DLGAP2: variants seen among roughly 807,000 people sequenced by gnomAD.
The protein encoded by DLGAP2 is disks large-associated protein 2.
Under a neutral mutation model 100.3 loss-of-function variants are expected in DLGAP2, and 26 were observed. The ratio of observed to expected loss-of-function variants is 0.26; its 90% CI spans 0.19 to 0.36. The LOEUF (loss-of-function observed/expected upper bound fraction) is 0.36, where lower values mean the gene tolerates loss of function less well. Among genes scored for constraint, DLGAP2 ranks in the 10% least tolerant of loss-of-function variants. The pLI, the probability that DLGAP2 is intolerant of heterozygous loss-of-function variation, is 1.00. For synonymous variants in DLGAP2, 886 were observed against 630.1 expected (o/e 1.41, Z -6.08); for missense variants, 1,858 against 1,453.2 (o/e 1.28, Z -4.53).
rs192011625 is a variant in DLGAP2 at position 1,196,445 on chromosome 8, C to G, written c.74-62406C>G. ...GTTAATGCTGAGTGAGTGAACGAGACAGTGATCCTGTGCCCCCGAAGGAAA... is the reference window on the plus strand; with the variant it reads ...GTTAATGCTGAGTGAGTGAACGAGAGAGTGATCCTGTGCCCCCGAAGGAAA... On this transcript the variant is annotated intron_variant, in intron 2 of 14. Coordinates refer to ENST00000637795, the MANE Select transcript of DLGAP2 (RefSeq NM_001346810.2). Among the ~76,000 whole-genome samples the G allele has an allele frequency of 3.9e-5, 6 of 152,262 alleles. No homozygotes were observed. In the East Asian group the frequency reaches 1.2e-3, roughly 30 times the overall value.
chr8:1,234,481 C>G (rs943830956), intron 2 of DLGAP2, among the ~76,000 whole-genome samples: 1 of 152,172 alleles, frequency 6.6e-6, no homozygotes, highest in Non-Finnish European at 1.5e-5. Context: ...GAATCAGGGC[C>G]TGTCTCCCCA....
intron 3 of DLGAP2, among the ~76,000 whole-genome samples, chr8:1,371,522 G>T (rs1313323325): frequency 6.6e-6 from 1 of 152,170 alleles, no homozygotes; most frequent in Non-Finnish European, 1.5e-5. Flanking sequence ...GGTGGTTTGT[G>T]GCTTCTGTAA....
At chr8:1,333,700 T>G (rs1414199007) in intron 3 of DLGAP2, among the ~76,000 whole-genome samples, 1 of 152,220 alleles carries the variant, frequency 6.6e-6, no homozygotes, top group Non-Finnish European at 1.5e-5. Context: ...TGGACTTGCA[T>G]ATGTGAGACT....
At chr8:1,516,591 A>G (rs1332624769) in intron 4 of DLGAP2, among the ~76,000 whole-genome samples, 2 of 146,428 alleles carry the variant, frequency 1.4e-5, no homozygotes, top group Non-Finnish European at 3.0e-5. Flanking sequence ...GAGTGAGTGA[A>G]TGAGTGCATG....
chr8:741,821 T>C (rs554134410), intron 1 of DLGAP2, among the ~76,000 whole-genome samples: 2 of 152,214 alleles, frequency 1.3e-5, no homozygotes, highest in South Asian at 2.1e-4. Flanking sequence ...TCAAGAGCAA[T>C]TGGATGAGTG....
At chr8:1,195,832 G>A (rs994646486) in intron 2 of DLGAP2, among the ~76,000 whole-genome samples, 3 of 152,156 alleles carry the variant, frequency 2.0e-5, no homozygotes, top group African/African-American at 7.2e-5. Flanking sequence ...GCCTTGCAGC[G>A]GTAGATACGT....
chr8:1,347,300 G>T (rs1314296623), intron 3 of DLGAP2, among the ~76,000 whole-genome samples: 1 of 151,750 alleles, frequency 6.6e-6, no homozygotes, highest in Non-Finnish European at 1.5e-5. Context: ...GCTGTGTGGA[G>T]GTTGAGTTCC....
At chr8:1,472,316 C>T (rs992282233) in intron 3 of DLGAP2, among the ~76,000 whole-genome samples, 1 of 152,210 alleles carries the variant, frequency 6.6e-6, no homozygotes, top group Non-Finnish European at 1.5e-5. Context: ...GGAGGGAGGC[C>T]AGGGGCGCAG....
At chr8:1,546,257 T>C (rs1801530502) in intron 4 of DLGAP2, among the ~76,000 whole-genome samples, 1 of 152,234 alleles carries the variant, frequency 6.6e-6, no homozygotes, top group Non-Finnish European at 1.5e-5. Flanking sequence ...AGGATCTCTT[T>C]ATCCTTCAAC....
chr8:1,185,830 A>C (rs1005829920), intron 2 of DLGAP2, among the ~76,000 whole-genome samples: 1 of 151,988 alleles, frequency 6.6e-6, no homozygotes, highest in African/African-American at 2.4e-5. Flanking sequence ...TTTAAACACA[A>C]ACACACATTC....
At chr8:853,642 G>C (rs913917693) in intron 1 of DLGAP2, among the ~76,000 whole-genome samples, 2 of 152,200 alleles carry the variant, frequency 1.3e-5, no homozygotes, top group Non-Finnish European at 2.9e-5. Flanking sequence ...CTCGCAAGCA[G>C]CCGTTCTAGG....
chr8:1,042,332 C>G (rs1250369077), intron 2 of DLGAP2, among the ~76,000 whole-genome samples: 1 of 152,212 alleles, frequency 6.6e-6, no homozygotes, highest in Non-Finnish European at 1.5e-5. Flanking sequence ...GTGCCTAGTA[C>G]AGAAAGCAGA....
intron 3 of DLGAP2, among the ~76,000 whole-genome samples, chr8:1,407,975 TCC>T (rs1796619199): frequency 6.6e-6 from 1 of 152,220 alleles, no homozygotes; most frequent in Non-Finnish European, 1.5e-5. Context: ...GGGTGGGCTG[TCC>T]TGCACAGCAC....
intron 1 of DLGAP2, among the ~76,000 whole-genome samples, chr8:776,900 A>G (rs1343647681): frequency 6.6e-6 from 1 of 152,066 alleles, no homozygotes; most frequent in Non-Finnish European, 1.5e-5. Flanking sequence ...ATTCCTGGGT[A>G]TCCTTGTTGA....
At chr8:1,645,938 C>T (rs1798030508) in intron 8 of DLGAP2, among the ~76,000 whole-genome samples, 1 of 152,162 alleles carries the variant, frequency 6.6e-6, no homozygotes, top group African/African-American at 2.4e-5. Flanking sequence ...CTTTCCCGTT[C>T]AGTTTGCGAA....
chr8:1,516,036 A>G (rs1047152521), intron 4 of DLGAP2, among the ~76,000 whole-genome samples: 2 of 144,728 alleles, frequency 1.4e-5, no homozygotes, highest in South Asian at 4.2e-4. Flanking sequence ...TGAGTGAATG[A>G]GTAACTGAGT....
intron 2 of DLGAP2, among the ~76,000 whole-genome samples, chr8:938,558 C>A (rs1272685119): frequency 6.6e-6 from 1 of 152,216 alleles, no homozygotes; most frequent in Non-Finnish European, 1.5e-5. Context: ...ACCCAGCCTA[C>A]AAGGGCCTCC....
chr8:1,700,834 A>G (rs1343226948), intron 14 of DLGAP2, among the ~76,000 whole-genome samples: 1 of 152,248 alleles, frequency 6.6e-6, no homozygotes, highest in East Asian at 1.9e-4. Flanking sequence ...CTCGGAGATG[A>G]CACAGGGCTT....
At chr8:918,146 G>T (rs140117557) in intron 2 of DLGAP2, among the ~76,000 whole-genome samples, 1 of 152,122 alleles carries the variant, frequency 6.6e-6, no homozygotes, top group Non-Finnish European at 1.5e-5. Context: ...TCTCAACCTC[G>T]TCTGAATTCC....
Sources: gnomAD v4.1 joint callset for allele counts (sites outside exome capture counted in the v4.1 genomes callset) on GRCh38, gnomAD v4.1.1 for gene constraint, MANE v1.5 for transcripts, NCBI Gene and HGNC (gene_info 2026-07-23, HGNC 2026-07-21) for gene names.